The following TUT7 variants were observed in gnomAD, a reference collection of about 807,000 sequenced individuals.
TUT7 encodes terminal uridylyl transferase 7.
TUT7 carries 33 observed loss-of-function variants against 165.9 expected under a neutral mutation model. The observed-to-expected ratio is 0.20, with a 90% CI of 0.15 to 0.27. The LOEUF (loss-of-function observed/expected upper bound fraction) is 0.27. Among genes scored for constraint, TUT7 ranks in the 10% least tolerant of loss-of-function variants. The pLI is 1.00. For synonymous variants in TUT7, 552 were observed against 608.1 expected, an observed-to-expected ratio of 0.91 and a Z score of 1.36; for missense variants, 1,338 against 1,762.3, an observed-to-expected ratio of 0.76 and a Z score of 4.31.
At chr9:86,314,164 T>G (rs980480789) in intron 17 of TUT7, among the ~76,000 whole-genome samples, 1 of 152,182 alleles carries the variant, frequency 6.6e-6, no homozygotes, top group African/African-American at 2.4e-5. Flanking sequence ...AGAGTCTGAT[T>G]CCAGAACCTC....
chr9:86,296,030 A>G (rs911197429), intron 26 of TUT7, among the ~76,000 whole-genome samples: 19 of 152,328 alleles, frequency 1.2e-4, no homozygotes, highest in African/African-American at 4.1e-4. Context: ...CAATCTCTAC[A>G]TACTTATGTT....
At chr9:86,346,565 A>G (rs954139891) in intron 2 of TUT7, 85 bp from the exon 3 acceptor site, 5 of 1,320,948 alleles carry the variant, frequency 3.8e-6, no homozygotes, top group Non-Finnish European at 5.3e-6. Context: ...GTATTAAATC[A>G]TGTGAGAGAA....
At chr9:86,339,942 TA>T in intron 8 of TUT7, 93 bp downstream of exon 8, 2 of 970,982 alleles carry the variant, frequency 2.1e-6, no homozygotes, top group Non-Finnish European at 1.6e-6. Flanking sequence ...ATAAAAAGCT[TA>T]TAATTCTAGA....
chr9:86,321,424 T>C (rs1430132393), intron 14 of TUT7, among the ~76,000 whole-genome samples: 1 of 151,860 alleles, frequency 6.6e-6, no homozygotes, highest in Non-Finnish European at 1.5e-5. Flanking sequence ...TATTTAATAC[T>C]AAGCTTTAAA....
intron 12 of TUT7, chr9:86,324,533 G>C (rs1206289217): frequency 6.6e-6 from 1 of 152,342 alleles, no homozygotes; most frequent in Non-Finnish European, 1.5e-5. Flanking sequence ...AACTGCAGGG[G>C]AGGGTTTAAA....
chr9:86,315,753 C>CT (rs538186942), intron 17 of TUT7, among the ~76,000 whole-genome samples: 8 of 129,844 alleles, frequency 6.2e-5, no homozygotes, highest in East Asian at 2.6e-4. Context: ...CACTTTTTTT[C>CT]TTTTTTTTTT....
At chr9:86,328,097 T>C in intron 11 of TUT7, among the ~76,000 whole-genome samples, 1 of 152,206 alleles carries the variant, frequency 6.6e-6, no homozygotes, top group East Asian at 1.9e-4. Flanking sequence ...GATTTACCTT[T>C]GAATTCTGAG....
intron 6 of TUT7, among the ~76,000 whole-genome samples, chr9:86,342,189 TG>T (rs1564092704): frequency 6.6e-6 from 1 of 151,722 alleles, no homozygotes; most frequent in Non-Finnish European, 1.5e-5. Context: ...TTGAGAGAGG[TG>T]GGGCTGGCCA....
At chr9:86,320,323 G>A (rs1269751691) in intron 14 of TUT7, among the ~76,000 whole-genome samples, 3 of 147,184 alleles carry the variant, frequency 2.0e-5, no homozygotes, top group Non-Finnish European at 4.5e-5. Context: ...ACCTTATGAT[G>A]AAGCCATGTG....
chr9:86,311,194 T>C lies in TUT7; in HGVS notation c.3275-385A>G, dbSNP rs7044181. Among the ~76,000 whole-genome samples, 47,630 of 152,116 alleles carry C rather than the reference T, an allele frequency of 0.31. 8,885 individuals carry two copies. The highest frequency in any genetic ancestry group is 0.5 in the African/African-American group (20,789 of 41,466). ...CCCACCTGTTCTCTCCATGTGACTA[T>C]ATCTAATTTGGAGAACAGCCTAAGG... On this transcript the variant is annotated intron_variant, in intron 17 of 26. Coordinates refer to ENST00000375963, the MANE Select transcript of TUT7 (RefSeq NM_024617.4). The surrounding 1 kb of genome is among the most constrained non-coding windows in gnomAD (Gnocchi z 4.4).
At chr9:86,334,593 A>G (rs1473954178) in intron 10 of TUT7, among the ~76,000 whole-genome samples, 1 of 152,144 alleles carries the variant, frequency 6.6e-6, no homozygotes, top group East Asian at 1.9e-4. Context: ...TGATGGATCC[A>G]AAAAGAATTG....
At chr9:86,299,136 G>C (rs554476551) in intron 26 of TUT7, among the ~76,000 whole-genome samples, 2 of 152,296 alleles carry the variant, frequency 1.3e-5, no homozygotes, top group East Asian at 3.9e-4. Flanking sequence ...AGAGCACTCA[G>C]GGAGCAGCTC....
intron 9 of TUT7, among the ~76,000 whole-genome samples, chr9:86,338,121 G>A (rs1016069825): frequency 6.6e-6 from 1 of 152,058 alleles, no homozygotes; most frequent in Non-Finnish European, 1.5e-5. Flanking sequence ...GTTCATTCAG[G>A]ATCCAAGAAA....
At chr9:86,301,917 G>C (rs1826949640) in intron 25 of TUT7, 1 of 934,228 alleles carries the variant, frequency 1.1e-6, no homozygotes, top group East Asian at 1.2e-4. Context: ...CATCCATGGA[G>C]TGATTTCTTG....
At chr9:86,327,666 A>G (rs781261748) in intron 11 of TUT7, among the ~76,000 whole-genome samples, 12 of 152,258 alleles carry the variant, frequency 7.9e-5, no homozygotes, top group Admixed American at 6.5e-5. Flanking sequence ...AGGATTCTAG[A>G]AAACACAACT....
intron 1 of TUT7, 52 bp from the exon 2 acceptor site, chr9:86,353,282 C>G (rs1247766484): frequency 7.2e-7 from 1 of 1,396,332 alleles, no homozygotes; most frequent in African/African-American, 1.4e-5. Context: ...AGATATCATA[C>G]AAGTATACAA....
chr9:86,322,370 G>T lies in TUT7; in HGVS notation c.2983C>A (p.Pro995Thr). Residue 995 changes from proline (P) to threonine (T), a missense_variant, in exon 14 of 27, where the codon CCC becomes ACC. By Grantham distance (38) the Pro-to-Thr change is conservative. Coordinates refer to ENST00000375963, the MANE Select transcript of TUT7 (RefSeq NM_024617.4). The part of the protein sequence containing the change: ...IQLEPLPPLT[P>T]KFLNILDQVC... Reference sequence around the variant, plus strand: ...TGATCTAAGATATTTAAAAACTTGGGTGTTAATGGTGGCAGAGGTTCTAGC... The same window carrying T: ...TGATCTAAGATATTTAAAAACTTGGTTGTTAATGGTGGCAGAGGTTCTAGC... 1 of 1,614,048 alleles carries T rather than the reference G, an allele frequency of 6.2e-7. No individual in the cohort carries two copies. The highest frequency in any genetic ancestry group is 8.5e-7 in the Non-Finnish European group (1 of 1,179,944).
At chr9:86,306,184 C>T (rs866825943) in intron 22 of TUT7, among the ~76,000 whole-genome samples, 5 of 151,990 alleles carry the variant, frequency 3.3e-5, no homozygotes, top group Non-Finnish European at 7.4e-5. Context: ...GACCTTTTTT[C>T]GGGAATCCTC....
At chr9:86,343,663 T>C (rs1029389852) in intron 5 of TUT7, among the ~76,000 whole-genome samples, 11 of 152,184 alleles carry the variant, frequency 7.2e-5, no homozygotes, top group African/African-American at 2.2e-4. Context: ...AATAATCTTT[T>C]GACATATTTA....
Sources: gnomAD v4.1 joint callset for allele counts (sites outside exome capture counted in the v4.1 genomes callset) on GRCh38, gnomAD v4.1.1 for gene constraint, Gnocchi (gnomAD v3.1) non-coding constraint, MANE v1.5 for transcripts, NCBI Gene and HGNC (gene_info 2026-07-23, HGNC 2026-07-21) for gene names.